The following RIT2 variants were observed in gnomAD, a reference collection of about 807,000 sequenced individuals.
RIT2 encodes the protein Ras like without CAAX 2, also known as GTP-binding protein Rit2.
RIT2 carries 24 observed loss-of-function variants against 23.7 expected under a neutral mutation model. That is an observed-to-expected ratio of 1.01 (90% CI 0.73 to 1.43). The LOEUF (loss-of-function observed/expected upper bound fraction) is 1.43. Among genes scored for constraint, RIT2 ranks in the 40% most tolerant of loss-of-function variants. The probability of loss-of-function intolerance (pLI) is 0.00; values close to 1 mark genes in which losing one functional copy is unlikely to be tolerated. For missense variants in RIT2, 236 were observed against 266.9 expected, an observed-to-expected ratio of 0.88 and a Z score of 0.81; for synonymous variants, 107 against 91.1, an observed-to-expected ratio of 1.17 and a Z score of -0.99.
intron 4 of RIT2, among the ~76,000 whole-genome samples, chr18:42,768,962 A>C (rs1913487059): frequency 6.6e-6 from 1 of 152,158 alleles, no homozygotes; most frequent in African/African-American, 2.4e-5. Context: ...GGGGTAGGCA[A>C]GTAACCCAGG....
At chr18:42,847,908 G>T (rs1906952195) in intron 4 of RIT2, among the ~76,000 whole-genome samples, 1 of 150,890 alleles carries the variant, frequency 6.6e-6, no homozygotes, top group Non-Finnish European at 1.5e-5. Flanking sequence ...AACTAGACAT[G>T]TTACCAGGCT....
At chr18:42,808,578 T>A (rs1234336814) in intron 4 of RIT2, among the ~76,000 whole-genome samples, 1 of 108,696 alleles carries the variant, frequency 9.2e-6, no homozygotes, top group African/African-American at 4.7e-5. Flanking sequence ...AAAGAATTCG[T>A]TTTTTTTTTC....
intron 4 of RIT2, among the ~76,000 whole-genome samples, chr18:42,868,378 G>C (rs966120843): frequency 6.6e-6 from 1 of 152,108 alleles, no homozygotes; most frequent in South Asian, 2.1e-4. Context: ...TTGTGGGAGA[G>C]GGAGAAATGG....
At chr18:42,929,706 C>T (rs1005727911) in intron 3 of RIT2, among the ~76,000 whole-genome samples, 1 of 152,136 alleles carries the variant, frequency 6.6e-6, no homozygotes, top group African/African-American at 2.4e-5. Context: ...AAGAATAAAA[C>T]ATTAAAACAA....
chr18:43,106,836 A>T (rs1490334699), intron 1 of RIT2, among the ~76,000 whole-genome samples: 1 of 152,214 alleles, frequency 6.6e-6, no homozygotes, highest in Non-Finnish European at 1.5e-5. Flanking sequence ...TGGCAGAGTG[A>T]CTAGCAATGG....
intron 3 of RIT2, among the ~76,000 whole-genome samples, chr18:42,925,352 T>C (rs1276000012): frequency 6.6e-6 from 1 of 152,022 alleles, no homozygotes; most frequent in Non-Finnish European, 1.5e-5. Context: ...TAGAGAAGTA[T>C]GGACTGAAAA....
At chr18:42,994,427 T>G (rs984239098) in intron 2 of RIT2, among the ~76,000 whole-genome samples, 1 of 152,162 alleles carries the variant, frequency 6.6e-6, no homozygotes, top group African/African-American at 2.4e-5. Context: ...CATGGTTGGA[T>G]AATTTTGCCT....
At chr18:43,011,046 G>T (rs1286410452) in intron 2 of RIT2, among the ~76,000 whole-genome samples, 5 of 151,734 alleles carry the variant, frequency 3.3e-5, no homozygotes. Context: ...ATGTTATACA[G>T]AAAATTTTAT....
chr18:42,958,637 A>G (rs944217242), intron 3 of RIT2, among the ~76,000 whole-genome samples: 1 of 152,160 alleles, frequency 6.6e-6, no homozygotes, highest in Non-Finnish European at 1.5e-5. Flanking sequence ...TGATCATGAA[A>G]AATACTAAAA....
At chr18:42,984,895 G>C (rs950816660) in intron 2 of RIT2, among the ~76,000 whole-genome samples, 1 of 151,698 alleles carries the variant, frequency 6.6e-6, no homozygotes, top group African/African-American at 2.4e-5. Context: ...AGTATCAACA[G>C]TTTTATTCAC....
chr18:42,858,769 C>A (rs1944417), intron 4 of RIT2, among the ~76,000 whole-genome samples: 7,500 of 152,176 alleles, frequency 0.049, 575 homozygotes, highest in East Asian at 0.32. Flanking sequence ...TTGTAGACTT[C>A]CCAATTCTGG....
intron 2 of RIT2, among the ~76,000 whole-genome samples, chr18:42,981,234 A>G (rs375346263): frequency 6.6e-6 from 1 of 152,270 alleles, no homozygotes; most frequent in East Asian, 1.9e-4. Flanking sequence ...TACCCTTGAA[A>G]AATGGCTTTA....
chr18:42,870,106 G>C (rs1907583528), intron 4 of RIT2, among the ~76,000 whole-genome samples: 1 of 152,130 alleles, frequency 6.6e-6, no homozygotes, highest in Admixed American at 6.5e-5. Flanking sequence ...CTAGAGAGTG[G>C]CTACTTGTCT....
chr18:42,848,998 T>TA (rs1906979441), intron 4 of RIT2, among the ~76,000 whole-genome samples: 1 of 152,168 alleles, frequency 6.6e-6, no homozygotes, highest in African/African-American at 2.4e-5. Flanking sequence ...GGAATACTTT[T>TA]AAAAAACGAT....
At chr18:43,100,009 T>G (rs1275945852) in intron 1 of RIT2, among the ~76,000 whole-genome samples, 2 of 152,108 alleles carry the variant, frequency 1.3e-5, no homozygotes, top group East Asian at 3.9e-4. Flanking sequence ...ATTTATTCAC[T>G]AGGCAGTTGG....
intron 4 of RIT2, among the ~76,000 whole-genome samples, chr18:42,863,032 G>GTTT (rs397858419): frequency 6.9e-6 from 1 of 143,910 alleles, no homozygotes. Flanking sequence ...CATGCCTCCT[G>GTTT]TTTTTTTTTT....
intron 4 of RIT2, among the ~76,000 whole-genome samples, chr18:42,761,429 A>G (rs903991415): frequency 6.6e-6 from 1 of 152,182 alleles, no homozygotes; most frequent in Non-Finnish European, 1.5e-5. Context: ...ATTCTTTACC[A>G]AAGGTAACTT....
chr18:42,956,540 G>A (rs189219090), intron 3 of RIT2, among the ~76,000 whole-genome samples: 13 of 152,232 alleles, frequency 8.5e-5, no homozygotes, highest in African/African-American at 2.9e-4. Flanking sequence ...GAGAGACGGT[G>A]AATCTAATCA....
At chr18:42,784,172 T>C (rs1386318029) in intron 4 of RIT2, among the ~76,000 whole-genome samples, 1 of 151,818 alleles carries the variant, frequency 6.6e-6, no homozygotes, top group East Asian at 1.9e-4. Flanking sequence ...CTTTTGCATA[T>C]CTAAATTGTG....
Sources: allele counts gnomAD v4.1 joint callset (sites outside exome capture counted in the v4.1 genomes callset), GRCh38; gene constraint gnomAD v4.1.1; transcripts MANE v1.5; gene names NCBI Gene and HGNC (gene_info 2026-07-23, HGNC 2026-07-21).